Variants in BTBD9 observed in about 807,000 individuals in gnomAD.
BTBD9 encodes the protein BTB/POZ domain-containing protein 9.
In BTBD9, 49 loss-of-function variants were observed where a neutral mutation model predicts 64.3. The ratio of observed to expected loss-of-function variants is 0.76; its 90% confidence interval spans 0.61 to 0.97. The LOEUF is 0.97. Ranked by LOEUF, BTBD9 falls within the 50% of genes least tolerant of loss-of-function variation. BTBD9 has a pLI of 0.00. For synonymous variants in BTBD9, 260 were observed against 274.7 expected (o/e 0.95, Z 0.53); for missense variants, 598 against 762.1 (o/e 0.78, Z 2.53).
intron 4 of BTBD9, among the ~76,000 whole-genome samples, chr6:38,589,840 T>C (rs1378849653): frequency 6.6e-6 from 1 of 152,172 alleles, no homozygotes; most frequent in Non-Finnish European, 1.5e-5. Context: ...AGGAAAGCTC[T>C]CTCCTCCGGT....
At chr6:38,325,582 G>A (rs1299227824) in intron 7 of BTBD9, among the ~76,000 whole-genome samples, 3 of 152,186 alleles carry the variant, frequency 2.0e-5, no homozygotes, top group Admixed American at 1.3e-4. Flanking sequence ...CTACTCGGGA[G>A]GCTGAGGCAG....
rs541558319 is a variant in BTBD9, at chr6:38,214,763, G to A, written c.1563-22166C>T. 9.2e-5 allele frequency among the ~76,000 whole-genome samples: 14 copies of A among 152,232 alleles called. No individual in the cohort carries two copies. In the South Asian group the frequency reaches 1.0e-3, roughly 11 times the overall value. On this transcript the variant is annotated intron_variant, in intron 9 of 10. Coordinates refer to ENST00000481247, the MANE Select transcript of BTBD9 (RefSeq NM_001099272.2). ...ACCTGCTTTGAATTTTGTTCATGCC[G>A]TCAGGGCTAAGATATCAAGCAATGA...
intron 7 of BTBD9, among the ~76,000 whole-genome samples, chr6:38,308,237 G>C (rs1762697454): frequency 6.6e-6 from 1 of 152,206 alleles, no homozygotes; most frequent in Non-Finnish European, 1.5e-5. Context: ...TGAGGACAGA[G>C]GCATTTCCAG....
Position 38,630,939 on chromosome 6 carries a change from T to C in BTBD9, c.-28+8861A>G, listed in dbSNP as rs529209937. ...CAATGTCACTGTACCATATGGAAAT[T>C]GAAACACGTGCCTTCAGACAGTGGT... is the stretch of plus-strand genomic sequence containing the variant. On this transcript the variant is annotated intron_variant, in intron 1 of 10. Transcript: ENST00000481247. Among the ~76,000 whole-genome samples, 606 of 152,338 alleles carry C rather than the reference T, an allele frequency of 4.0e-3. 4 individuals carry two copies. Among genetic ancestry groups the C allele is most frequent in the African/African-American group, 7.1e-3 (294 of 41,582 alleles).
At chr6:38,201,681 T>C (rs1431229956) in intron 9 of BTBD9, among the ~76,000 whole-genome samples, 2 of 152,188 alleles carry the variant, frequency 1.3e-5, no homozygotes, top group Non-Finnish European at 2.9e-5. Context: ...CATCTTATAT[T>C]CAGAAAGACC....
intron 6 of BTBD9, among the ~76,000 whole-genome samples, chr6:38,534,838 C>T (rs1773953329): frequency 6.6e-6 from 1 of 151,964 alleles, no homozygotes; most frequent in African/African-American, 2.4e-5. Context: ...GAGAAGAACC[C>T]TCAAGAAACT....
At chr6:38,274,807 C>A (rs1476099656) in intron 8 of BTBD9, among the ~76,000 whole-genome samples, 41 of 152,038 alleles carry the variant, frequency 2.7e-4, no homozygotes, top group Non-Finnish European at 5.9e-5. Context: ...ATTTTTGCAT[C>A]AATGTTCATC....
chr6:38,564,616 CG>C (rs1201108190), intron 6 of BTBD9, among the ~76,000 whole-genome samples: 1 of 151,850 alleles, frequency 6.6e-6, no homozygotes, highest in African/African-American at 2.4e-5. Context: ...TGGCCGAGCA[CG>C]GTGACTCACG....
At chr6:38,350,104 C>T (rs1033870357) in intron 6 of BTBD9, among the ~76,000 whole-genome samples, 2 of 152,078 alleles carry the variant, frequency 1.3e-5, no homozygotes, top group Admixed American at 6.6e-5. Context: ...TACCCAGTGA[C>T]GTGGTTCTTT....
intron 6 of BTBD9, among the ~76,000 whole-genome samples, chr6:38,468,187 C>T (rs1770483411): frequency 6.6e-6 from 1 of 152,164 alleles, no homozygotes; most frequent in Middle Eastern, 3.2e-3. Context: ...TCCCCCAGCA[C>T]ATCCTTCTAA....
intron 9 of BTBD9, among the ~76,000 whole-genome samples, chr6:38,202,076 G>A (rs552254551): frequency 3.0e-5 from 4 of 135,124 alleles, no homozygotes; most frequent in South Asian, 4.7e-4. Flanking sequence ...CAAAAATGTC[G>A]TTTTTTTTGT....
intron 8 of BTBD9, among the ~76,000 whole-genome samples, chr6:38,279,113 TAGA>T (rs1761403290): frequency 6.6e-6 from 1 of 152,000 alleles, no homozygotes; most frequent in South Asian, 2.1e-4. Context: ...TCATCTTTCC[TAGA>T]AGAAGAATGC....
At chr6:38,280,924 C>T (rs1325402861) in intron 8 of BTBD9, among the ~76,000 whole-genome samples, 1 of 152,174 alleles carries the variant, frequency 6.6e-6, no homozygotes, top group Non-Finnish European at 1.5e-5. Flanking sequence ...ACTCACAGCA[C>T]AGAGAAGCAT....
At chr6:38,377,087 T>C (rs1360634079) in intron 6 of BTBD9, among the ~76,000 whole-genome samples, 1 of 152,250 alleles carries the variant, frequency 6.6e-6, no homozygotes, top group Non-Finnish European at 1.5e-5. Flanking sequence ...CTGAACCTAC[T>C]GTATTTCATT....
Position 38,483,943 on chromosome 6 carries a change from C to A in BTBD9, c.1154+93657G>T, listed in dbSNP as rs4714168. The stretch of plus-strand genomic sequence containing the variant: ...GTCAAACTATGACTAGTCAGTATCA[C>A]ATTTATTTCTTTACATCTCATTTTT... On this transcript the variant is annotated intron_variant, in intron 6 of 10. Transcript: ENST00000481247. Among the ~76,000 whole-genome samples, 4 of 152,342 alleles carry A rather than the reference C, an allele frequency of 2.6e-5. No homozygotes were observed. The South Asian group carries it at 6.2e-4, about 24-fold the overall frequency.
chr6:38,587,641 C>A, intron 4 of BTBD9: 1 of 600,480 alleles, frequency 1.7e-6, no homozygotes, highest in South Asian at 1.6e-5. Context: ...GGTGAAATAT[C>A]TCTGTCGAGA....
chr6:38,409,886 C>T (rs975540278), intron 6 of BTBD9, among the ~76,000 whole-genome samples: 13 of 151,894 alleles, frequency 8.6e-5, no homozygotes, highest in African/African-American at 2.9e-4. Context: ...GGTGGTTGTA[C>T]AAGTGTGTGA....
chr6:38,175,941 G>A (rs1386884838), intron 10 of BTBD9, among the ~76,000 whole-genome samples: 4 of 152,258 alleles, frequency 2.6e-5, no homozygotes, highest in Admixed American at 6.5e-5. Flanking sequence ...CTGGCCGACA[G>A]TCACCCTCTA....
chr6:38,441,599 A>G (rs959309082), intron 6 of BTBD9, among the ~76,000 whole-genome samples: 5 of 151,976 alleles, frequency 3.3e-5, no homozygotes, highest in African/African-American at 1.2e-4. Flanking sequence ...ATTTTTTTTC[A>G]TAGAAACAGA....
Sources: allele counts gnomAD v4.1 joint callset (sites outside exome capture counted in the v4.1 genomes callset), GRCh38; gene constraint gnomAD v4.1.1; transcripts MANE v1.5; gene names NCBI Gene and HGNC (gene_info 2026-07-23, HGNC 2026-07-21).